Variants in CADM2 observed in about 807,000 individuals in gnomAD.
CADM2 encodes the protein cell adhesion molecule 2.
A neutral mutation model predicts 49.8 loss-of-function variants in CADM2; 12 were observed. That is an observed-to-expected ratio of 0.24 (90% CI 0.15 to 0.39). The LOEUF (loss-of-function observed/expected upper bound fraction) is 0.39. Ranked by LOEUF, CADM2 falls within the 10% of genes least tolerant of loss-of-function variation. The pLI is 1.00. For synonymous variants in CADM2, 214 were observed against 175.4 expected, an observed-to-expected ratio of 1.22 and a Z score of -1.74; for missense variants, 378 against 492.3, an observed-to-expected ratio of 0.77 and a Z score of 2.20.
intron 1 of CADM2, among the ~76,000 whole-genome samples, chr3:85,074,063 G>C (rs529931728): frequency 6.6e-6 from 1 of 152,148 alleles, no homozygotes; most frequent in South Asian, 2.1e-4. Context: ...TGAAGGCATT[G>C]TAAGTTCATG....
intron 1 of CADM2, among the ~76,000 whole-genome samples, chr3:85,057,189 A>T (rs1340659125): frequency 6.6e-6 from 1 of 152,170 alleles, no homozygotes; most frequent in Non-Finnish European, 1.5e-5. Context: ...TCACCCATCA[A>T]ATCTAAGAAA....
intron 1 of CADM2, among the ~76,000 whole-genome samples, chr3:85,367,111 T>C (rs1014011006): frequency 7.9e-5 from 12 of 152,202 alleles, no homozygotes; most frequent in Admixed American, 2.6e-4. Context: ...TTTTGATATA[T>C]AATATCAAAA....
At chr3:85,389,006 G>A (rs1037491140) in intron 1 of CADM2, among the ~76,000 whole-genome samples, 41 of 152,198 alleles carry the variant, frequency 2.7e-4, no homozygotes, top group South Asian at 6.2e-4. Context: ...TCCTATGATC[G>A]GAGAGAGCTA....
chr3:85,916,913 T>C (rs1269946316), intron 6 of CADM2, among the ~76,000 whole-genome samples: 2 of 152,338 alleles, frequency 1.3e-5, no homozygotes, highest in East Asian at 3.9e-4. Context: ...TGCATTTCTC[T>C]GATGGCCAGT....
rs965066369 is a variant in CADM2, at chr3:85,904,564, T to A, written c.530-7809T>A. On this transcript the variant is annotated intron_variant, in intron 5 of 9. Transcript: ENST00000383699. The stretch of plus-strand genomic sequence containing the variant: ...TTCTTACTAAGATTTGCTAGTTTTT[T>A]AAAATAATTATTTGTTCATTTGCTA... Among the ~76,000 whole-genome samples the A allele has an allele frequency of 5.3e-5, 8 of 152,154 alleles. No homozygotes were observed. In the East Asian group the frequency reaches 7.7e-4, roughly 15 times the overall value.
At chr3:85,117,475 A>G (rs888615525) in intron 1 of CADM2, among the ~76,000 whole-genome samples, 5 of 152,182 alleles carry the variant, frequency 3.3e-5, no homozygotes, top group Non-Finnish European at 7.3e-5. Context: ...GTCATGAGCC[A>G]TCAATTATGG....
At chr3:85,062,666 A>G in intron 1 of CADM2, among the ~76,000 whole-genome samples, 2 of 151,988 alleles carry the variant, frequency 1.3e-5, no homozygotes, top group Admixed American at 1.3e-4. Flanking sequence ...TTAATGTAAT[A>G]TTTTAAATTT....
chr3:86,002,449 C>A (rs1730301482), intron 8 of CADM2, among the ~76,000 whole-genome samples: 1 of 152,110 alleles, frequency 6.6e-6, no homozygotes, highest in Non-Finnish European at 1.5e-5. Context: ...AATCACAATT[C>A]TATTGTGCCA....
intron 1 of CADM2, among the ~76,000 whole-genome samples, chr3:85,222,727 C>A (rs2042070355): frequency 6.6e-6 from 1 of 152,076 alleles, no homozygotes; most frequent in African/African-American, 2.4e-5. Flanking sequence ...TAAATGATAT[C>A]ATCTATGAAC....
At chr3:85,361,296 T>C (rs567123336) in intron 1 of CADM2, among the ~76,000 whole-genome samples, 3 of 152,286 alleles carry the variant, frequency 2.0e-5, no homozygotes, top group East Asian at 3.9e-4. Flanking sequence ...AAAGGAAACA[T>C]ATTTCACTGG....
chr3:85,466,980 A>G (rs530082316), intron 1 of CADM2, among the ~76,000 whole-genome samples: 2 of 152,198 alleles, frequency 1.3e-5, no homozygotes, highest in South Asian at 2.1e-4. Flanking sequence ...TACCAGCTTC[A>G]ATACTTTTCT....
intron 3 of CADM2, among the ~76,000 whole-genome samples, chr3:85,866,963 G>T (rs948095412): frequency 6.6e-6 from 1 of 152,022 alleles, no homozygotes; most frequent in Non-Finnish European, 1.5e-5. Flanking sequence ...AACAGGATAA[G>T]TTCTAGTAGA....
At chr3:85,700,170 T>A (rs2066708494) in intron 1 of CADM2, among the ~76,000 whole-genome samples, 1 of 152,166 alleles carries the variant, frequency 6.6e-6, no homozygotes, top group South Asian at 2.1e-4. Context: ...AAAGAATGAG[T>A]TCATTTCCTT....
intron 1 of CADM2, among the ~76,000 whole-genome samples, chr3:85,586,191 C>T (rs575135943): frequency 9.2e-5 from 14 of 152,202 alleles, no homozygotes; most frequent in East Asian, 5.8e-4. Flanking sequence ...TGCTACAGCA[C>T]GGCCTGTCTT....
At chr3:85,271,450 T>G (rs771949799) in intron 1 of CADM2, among the ~76,000 whole-genome samples, 2 of 151,302 alleles carry the variant, frequency 1.3e-5, no homozygotes, top group Non-Finnish European at 3.0e-5. Flanking sequence ...ATACATAGTA[T>G]AATTGGGTCA....
intron 1 of CADM2, among the ~76,000 whole-genome samples, chr3:85,603,625 C>G (rs2063477744): frequency 6.6e-6 from 1 of 151,868 alleles, no homozygotes; most frequent in African/African-American, 2.4e-5. Context: ...CAGCACCTGT[C>G]TCCCAGGCAG....
intron 1 of CADM2, among the ~76,000 whole-genome samples, chr3:85,695,669 C>T (rs2066529476): frequency 6.6e-6 from 1 of 151,926 alleles, no homozygotes; most frequent in Non-Finnish European, 1.5e-5. Flanking sequence ...TTGATGGGAA[C>T]TTAGGCTGAT....
intron 8 of CADM2, among the ~76,000 whole-genome samples, chr3:85,999,691 AGAAT>A (rs1344636954): frequency 3.9e-5 from 6 of 152,040 alleles, no homozygotes; most frequent in Non-Finnish European, 8.8e-5. Flanking sequence ...AAGAAAAGAA[AGAAT>A]GAAAGAAACT....
At chr3:85,897,853 G>T (rs1715465096) in intron 5 of CADM2, among the ~76,000 whole-genome samples, 1 of 152,138 alleles carries the variant, frequency 6.6e-6, no homozygotes, top group Non-Finnish European at 1.5e-5. Context: ...AAGAGGAAGA[G>T]ATTTGTGTCC....
Sources: allele counts gnomAD v4.1 joint callset (sites outside exome capture counted in the v4.1 genomes callset), GRCh38; gene constraint gnomAD v4.1.1; transcripts MANE v1.5; gene names NCBI Gene and HGNC (gene_info 2026-07-23, HGNC 2026-07-21).